Variants in CDH12 observed in about 807,000 individuals in gnomAD.
CDH12 encodes the protein cadherin 12.
A neutral mutation model predicts 74.1 loss-of-function variants in CDH12; 41 were observed. The observed-to-expected ratio is 0.55, with a 90% CI of 0.43 to 0.72. The LOEUF (loss-of-function observed/expected upper bound fraction) is 0.72. Among genes scored for constraint, CDH12 ranks in the 30% least tolerant of loss-of-function variants. CDH12 has a pLI of 0.00. For synonymous variants in CDH12, 399 were observed against 355.0 expected, an observed-to-expected ratio of 1.12 and a Z score of -1.39; for missense variants, 945 against 977.2, an observed-to-expected ratio of 0.97 and a Z score of 0.44.
chr5:22,014,246 CA>C (rs1157007374), intron 5 of CDH12, among the ~76,000 whole-genome samples: 1 of 152,038 alleles, frequency 6.6e-6, no homozygotes, highest in Non-Finnish European at 1.5e-5. Flanking sequence ...AAAGCAACAA[CA>C]ATAACAACAA....
At chr5:21,776,766 T>C (rs1262111732) in intron 11 of CDH12, among the ~76,000 whole-genome samples, 3 of 152,198 alleles carry the variant, frequency 2.0e-5, no homozygotes, top group Non-Finnish European at 4.4e-5. Flanking sequence ...TTTGAAGGTC[T>C]ACATTAGTTA....
intron 2 of CDH12, among the ~76,000 whole-genome samples, chr5:22,444,471 G>T (rs1744742231): frequency 6.6e-6 from 1 of 151,602 alleles, no homozygotes; most frequent in Non-Finnish European, 1.5e-5. Context: ...AAGGCAACTT[G>T]CCATCCTGCT....
chr5:21,790,331 CTTAG>C (rs894044766), intron 10 of CDH12, among the ~76,000 whole-genome samples: 1 of 151,966 alleles, frequency 6.6e-6, no homozygotes, highest in African/African-American at 2.4e-5. Context: ...ACGTTTATCT[CTTAG>C]TTATGTGTTT....
intron 1 of CDH12, among the ~76,000 whole-genome samples, chr5:22,810,518 A>C (rs1276602391): frequency 6.6e-6 from 1 of 152,138 alleles, no homozygotes; most frequent in Non-Finnish European, 1.5e-5. Flanking sequence ...TCAATTTAAT[A>C]AGGAAATGGA....
At chr5:22,663,412 C>A (rs193229310) in intron 1 of CDH12, among the ~76,000 whole-genome samples, 1 of 152,046 alleles carries the variant, frequency 6.6e-6, no homozygotes, top group Non-Finnish European at 1.5e-5. Context: ...GATGGAAAAC[C>A]GTTTATAGCC....
At chr5:21,773,679 G>A (rs115030064) in intron 11 of CDH12, among the ~76,000 whole-genome samples, 1,748 of 152,126 alleles carry the variant, frequency 0.011, 53 homozygotes, top group Admixed American at 0.067. Context: ...GTGATCCTGT[G>A]AATCAATTAT....
At chr5:22,416,682 C>T (rs907036829) in intron 2 of CDH12, among the ~76,000 whole-genome samples, 4 of 152,082 alleles carry the variant, frequency 2.6e-5, no homozygotes, top group Non-Finnish European at 5.9e-5. Flanking sequence ...ATTAGTATTA[C>T]ACTAGCCTGG....
At chr5:22,495,131 C>T (rs1311023956) in intron 2 of CDH12, among the ~76,000 whole-genome samples, 3 of 152,134 alleles carry the variant, frequency 2.0e-5, no homozygotes, top group Non-Finnish European at 4.4e-5. Context: ...TGCTTTCTAT[C>T]TGGTTTCAAA....
chr5:22,571,870 T>C (rs1007297768), intron 1 of CDH12, among the ~76,000 whole-genome samples: 3 of 152,126 alleles, frequency 2.0e-5, no homozygotes, highest in Non-Finnish European at 4.4e-5. Context: ...ACTACAAAAC[T>C]ATTACAACAG....
chr5:22,252,248 C>A, intron 3 of CDH12, among the ~76,000 whole-genome samples: 1 of 151,082 alleles, frequency 6.6e-6, no homozygotes, highest in African/African-American at 2.4e-5. Context: ...TAGATGTATC[C>A]CAACTTCAAA....
chr5:22,707,190 C>T (rs962653349), intron 1 of CDH12, among the ~76,000 whole-genome samples: 14 of 152,266 alleles, frequency 9.2e-5, no homozygotes, highest in Admixed American at 5.9e-4. Flanking sequence ...GCATAAATCC[C>T]TTCAATTAAA....
At chr5:22,424,760 T>C (rs765261846) in intron 2 of CDH12, among the ~76,000 whole-genome samples, 15 of 152,256 alleles carry the variant, frequency 9.9e-5, no homozygotes, top group South Asian at 6.2e-4. Flanking sequence ...TCGTTTAATC[T>C]CCTACAGTAT....
At chr5:22,363,056 A>G (rs994582831) in intron 3 of CDH12, among the ~76,000 whole-genome samples, 1 of 152,072 alleles carries the variant, frequency 6.6e-6, no homozygotes, top group East Asian at 1.9e-4. Context: ...CATTGTGCAC[A>G]TGTACCCTAG....
intron 4 of CDH12, among the ~76,000 whole-genome samples, chr5:22,133,759 ATAAT>A (rs1373181614): frequency 6.6e-6 from 1 of 152,088 alleles, no homozygotes; most frequent in Non-Finnish European, 1.5e-5. Flanking sequence ...GTACATATAC[ATAAT>A]TAAACTTATA....
chr5:22,535,144 T>C (rs1561475231), intron 1 of CDH12, among the ~76,000 whole-genome samples: 2 of 100,546 alleles, frequency 2.0e-5, no homozygotes, highest in African/African-American at 7.9e-5. Flanking sequence ...GCTAATTTTC[T>C]TTTTTTTTTT....
Position 22,294,979 on chromosome 5 carries a change from G to A in CDH12, c.-332-82336C>T, listed in dbSNP as rs559550366. On this transcript the variant is annotated intron_variant, in intron 3 of 14. Coordinates refer to ENST00000382254, the MANE Select transcript of CDH12 (RefSeq NM_004061.5). ...CCTCTGTCTCCCAGTTTCTGTGAGTGGGTAAGAGCCTAACTTCAATAAGCA... is the reference window on the plus strand; with the variant it reads ...CCTCTGTCTCCCAGTTTCTGTGAGTAGGTAAGAGCCTAACTTCAATAAGCA... Among the ~76,000 whole-genome samples the A allele has an allele frequency of 5.9e-5, 9 of 152,212 alleles. No homozygotes were observed. The East Asian group carries it at 1.7e-3, about 30-fold the overall frequency.
intron 4 of CDH12, among the ~76,000 whole-genome samples, chr5:22,201,933 C>T (rs1750945343): frequency 6.6e-6 from 1 of 152,062 alleles, no homozygotes; most frequent in African/African-American, 2.4e-5. Context: ...ATTGAAAGGA[C>T]CACATGTTAA....
intron 3 of CDH12, among the ~76,000 whole-genome samples, chr5:22,294,400 A>AC (rs1168760218): frequency 6.6e-6 from 1 of 152,034 alleles, no homozygotes; most frequent in African/African-American, 2.4e-5. Context: ...CCAAACTGTT[A>AC]CCCCCCAGAC....
Position 21,980,009 on chromosome 5 carries a change from G to A in CDH12, c.232-4624C>T, listed in dbSNP as rs568974603. On this transcript the variant is annotated intron_variant, in intron 5 of 14. Coordinates refer to ENST00000382254, the MANE Select transcript of CDH12 (RefSeq NM_004061.5). ...TGGTGTGAGATGGTATCTCATAGTGGTTTTGATTTGCATTTCTCTGATGGC... is the reference window on the plus strand; with the variant it reads ...TGGTGTGAGATGGTATCTCATAGTGATTTTGATTTGCATTTCTCTGATGGC... Among the ~76,000 whole-genome samples, 195 of 151,510 alleles carry A rather than the reference G, an allele frequency of 1.3e-3. 1 individual carries two copies. Among genetic ancestry groups the A allele is most frequent in the Non-Finnish European group, 1.6e-4 (11 of 67,856 alleles).
Sources: allele counts gnomAD v4.1 joint callset (sites outside exome capture counted in the v4.1 genomes callset), GRCh38; gene constraint gnomAD v4.1.1; transcripts MANE v1.5; gene names NCBI Gene and HGNC (gene_info 2026-07-23, HGNC 2026-07-21).